The following RUBCN variants were observed in gnomAD, a reference collection of about 807,000 sequenced individuals.
The protein encoded by RUBCN is rubicon autophagy regulator.
Under a neutral mutation model 113.2 loss-of-function variants are expected in RUBCN, and 74 were observed. The ratio of observed to expected loss-of-function variants is 0.65; its 90% CI spans 0.54 to 0.79. The LOEUF is 0.79. Ranked by LOEUF, RUBCN falls within the 30% of genes least tolerant of loss-of-function variation. RUBCN has a pLI of 0.00. For synonymous variants in RUBCN, 480 were observed against 490.0 expected, an observed-to-expected ratio of 0.98 and a Z score of 0.27; for missense variants, 1,109 against 1,251.7, an observed-to-expected ratio of 0.89 and a Z score of 1.72.
intron 7 of RUBCN, chr3:197,700,355 A>G (rs1723505075): frequency 1.8e-6 from 1 of 565,886 alleles, no homozygotes. Context: ...GAGTCACGCT[A>G]TCCTCTGATG....
intron 1 of RUBCN, among the ~76,000 whole-genome samples, chr3:197,742,052 C>T (rs995252359): frequency 1.3e-4 from 20 of 151,808 alleles, no homozygotes; most frequent in African/African-American, 3.6e-4. Flanking sequence ...CGCCCGCTGC[C>T]GCCTGGCTAA....
Position 197,674,709 on chromosome 3 carries a change from G to A in RUBCN, c.*309C>T, listed in dbSNP as rs1448821937. On this transcript the variant is annotated 3_prime_UTR_variant, in exon 20 of 20. Transcript: ENST00000296343. ...GAGGAGAAGGCCACAGACGCTGGAA[G>A]AACTTGGTCTTGCTGTCTCTTCCAC... 4.5e-6 allele frequency: 2 copies of A among 448,150 alleles called. No individual in the cohort carries two copies. Among genetic ancestry groups the A allele is most frequent in the Non-Finnish European group, 8.1e-6 (2 of 245,798 alleles). 27.8% of individuals were successfully genotyped at this position (448,150 alleles called of 1,614,324 possible).
rs528052804 is a variant in RUBCN, at chr3:197,702,375, G to A, written c.571-511C>T. Among the ~76,000 whole-genome samples the A allele has an allele frequency of 3.9e-5, 6 of 152,258 alleles. No individual in the cohort carries two copies. In the East Asian group the frequency reaches 7.7e-4, roughly 20 times the overall value. On this transcript the variant is annotated intron_variant, in intron 5 of 19. Coordinates refer to ENST00000296343, the MANE Select transcript of RUBCN (RefSeq NM_014687.4). ...TAGTAACCAACAATCAAAATTAAAC[G>A]AATCAGGCCGGGCACAGTGCCTCAC... is the stretch of plus-strand genomic sequence containing the variant.
At position 197,669,124 on chromosome 3, in the gene RUBCN, C is replaced by T. The variant is rs1003981224; in HGVS notation, c.*5894G>A. On this transcript the variant is annotated 3_prime_UTR_variant, in exon 20 of 20. Coordinates refer to ENST00000296343, the MANE Select transcript of RUBCN (RefSeq NM_014687.4). ...TAAAGTTGCAAAGATAGTACAAATT[C>T]GTCACATAGCCCTCACCCGATTTCA... is the stretch of plus-strand genomic sequence containing the variant. 2.6e-5 allele frequency among the ~76,000 whole-genome samples: 4 copies of T among 152,160 alleles called. No homozygotes were observed. The highest frequency in any genetic ancestry group is 2.1e-4 in the South Asian group (1 of 4,830).
At chr3:197,739,812 G>C (rs968276478), upstream of RUBCN, among the ~76,000 whole-genome samples, 6 of 152,200 alleles carry the variant, frequency 3.9e-5, no homozygotes, top group African/African-American at 1.4e-4. Context: ...CAGGCAGGCG[G>C]GTCACTTGAC....
intron 1 of RUBCN, among the ~76,000 whole-genome samples, chr3:197,747,906 G>T (rs547091616): frequency 9.9e-5 from 15 of 151,670 alleles, no homozygotes; most frequent in Non-Finnish European, 1.8e-4. Context: ...ACTCAGGTCT[G>T]GGCCCACAAC....
At chr3:197,686,585 G>A (rs1006543238) in intron 11 of RUBCN, among the ~76,000 whole-genome samples, 3 of 152,148 alleles carry the variant, frequency 2.0e-5, no homozygotes, top group African/African-American at 7.2e-5. Context: ...AAGTTGACAC[G>A]GGTGAAACCC....
At position 197,670,878 on chromosome 3, in the gene RUBCN, T is replaced by C. The variant is rs566890109; in HGVS notation, c.*4140A>G. 2.6e-5 allele frequency among the ~76,000 whole-genome samples: 4 copies of C among 152,224 alleles called. No individual in the cohort carries two copies. The highest frequency in any genetic ancestry group is 7.2e-5 in the African/African-American group (3 of 41,460). On this transcript the variant is annotated 3_prime_UTR_variant, in exon 20 of 20. Coordinates refer to ENST00000296343, the MANE Select transcript of RUBCN (RefSeq NM_014687.4). ...TGCTGGACAAACACAACAGGAGCAG[T>C]TGCAGACAAAGTAGCTGAGGGAGAA... is the stretch of plus-strand genomic sequence containing the variant.
chr3:197,740,321 T>C (rs1403506787), upstream of RUBCN, among the ~76,000 whole-genome samples: 1 of 151,340 alleles, frequency 6.6e-6, no homozygotes, highest in African/African-American at 2.4e-5. Context: ...TACAAAAAAT[T>C]AGCTGGGAAT....
intron 1 of RUBCN, among the ~76,000 whole-genome samples, chr3:197,727,710 T>C (rs1180059287): frequency 6.6e-6 from 1 of 152,214 alleles, no homozygotes; most frequent in Non-Finnish European, 1.5e-5. Context: ...ATGACTTTTA[T>C]ATGGTAAAGA....
intron 11 of RUBCN, among the ~76,000 whole-genome samples, chr3:197,691,381 C>T (rs963116202): frequency 2.0e-5 from 3 of 151,876 alleles, no homozygotes; most frequent in East Asian, 1.9e-4. Context: ...TTCTCAGCCA[C>T]GGGTGATTAT....
At chr3:197,678,423 G>A (rs189113624) in intron 16 of RUBCN, among the ~76,000 whole-genome samples, 1 of 139,428 alleles carries the variant, frequency 7.2e-6, no homozygotes, top group Non-Finnish European at 1.5e-5. Flanking sequence ...GCTCTAACTC[G>A]TCAACTGGCT....
rs1009221868 is a variant in RUBCN, at chr3:197,675,739, G to A, written c.2647-224C>T. On this transcript the variant is annotated intron_variant, in intron 18 of 19. Coordinates refer to ENST00000296343, the MANE Select transcript of RUBCN (RefSeq NM_014687.4). The surrounding 1 kb of genome is among the most constrained non-coding windows in gnomAD (Gnocchi z 4.4). The stretch of plus-strand genomic sequence containing the variant: ...GACAGGCACCAGCCGGAGAAGCTCC[G>A]ACCCCCAGCGCGGCTCTCCATGAAG... Among the ~76,000 whole-genome samples the A allele has an allele frequency of 1.3e-5, 2 of 150,292 alleles. No individual in the cohort carries two copies. Among genetic ancestry groups the A allele is most frequent in the African/African-American group, 2.5e-5 (1 of 40,658 alleles).
rs746843284 is a variant in RUBCN at position 197,701,067 on chromosome 3, C to T, written c.807G>A (p.Glu269=). The change falls in exon 7 of 20, where the codon GAG becomes GAA. Residue 269 remains glutamate, a synonymous_variant. Coordinates refer to ENST00000296343, the MANE Select transcript of RUBCN (RefSeq NM_014687.4). ...CTGGGGGGGCTTGGATGGTTTGATC[C>T]TCTGCTGGTGAGACGTGCCCTCTGC... ...QESRGHVSPA[E]DQTIQAPPVS... is the part of the protein sequence containing the mutation. 3 of 1,611,824 alleles carry T rather than the reference C, an allele frequency of 1.9e-6. No individual in the cohort carries two copies. The South Asian group carries it at 3.3e-5, about 18-fold the overall frequency.
chr3:197,729,418 A>T (rs559679000), intron 1 of RUBCN, among the ~76,000 whole-genome samples: 1 of 151,778 alleles, frequency 6.6e-6, no homozygotes, highest in East Asian at 2.0e-4. Context: ...ACGCCCGGCT[A>T]ATTTTTTTGT....
At chr3:197,689,372 A>T (rs1434032548) in intron 11 of RUBCN, among the ~76,000 whole-genome samples, 3 of 152,174 alleles carry the variant, frequency 2.0e-5, no homozygotes. Context: ...TCACATTCTT[A>T]GTGTAAAACC....
chr3:197,707,120 G>GA, intron 2 of RUBCN, among the ~76,000 whole-genome samples: 1 of 143,156 alleles, frequency 7.0e-6, no homozygotes, highest in Admixed American at 6.7e-5. Context: ...GAGGCAGGCA[G>GA]ATCACGAGGT....
intron 5 of RUBCN, among the ~76,000 whole-genome samples, chr3:197,703,038 C>A (rs959468170): frequency 7.9e-5 from 12 of 152,040 alleles, no homozygotes; most frequent in African/African-American, 2.7e-4. Flanking sequence ...CTACTAAGCA[C>A]ACGACCTAAG....
Position 197,726,629 on chromosome 3 carries a change from T to A in RUBCN, c.66-8499A>T, listed in dbSNP as rs1726789613. ...ATCTTGGCTCACTGCAACCTCTGCC[T>A]CCTGGGTTCAAGCGATTCTCCTGCC... On this transcript the variant is annotated intron_variant, in intron 1 of 19. Transcript: ENST00000296343. 2.0e-5 allele frequency among the ~76,000 whole-genome samples: 3 copies of A among 151,982 alleles called. No homozygotes were observed. In the South Asian group the frequency reaches 6.2e-4, roughly 32 times the overall value.
Sources: allele counts gnomAD v4.1 joint callset (sites outside exome capture counted in the v4.1 genomes callset), GRCh38; gene constraint gnomAD v4.1.1; non-coding constraint Gnocchi (gnomAD v3.1); transcripts MANE v1.5; gene names NCBI Gene and HGNC (gene_info 2026-07-23, HGNC 2026-07-21).